The following COL25A1 variants were observed in gnomAD, a reference collection of about 807,000 sequenced individuals.
The protein encoded by COL25A1 is collagen type XXV alpha 1 chain, also known as collagen alpha-1(XXV) chain.
COL25A1 carries 103 observed loss-of-function variants against 128.4 expected under a neutral mutation model. The ratio of observed to expected loss-of-function variants is 0.80; its 90% CI spans 0.68 to 0.94. COL25A1 has a LOEUF of 0.94. Ranked by LOEUF, COL25A1 falls within the 40% of genes least tolerant of loss-of-function variation. The pLI is 0.00. For missense variants in COL25A1, 745 were observed against 840.0 expected, an observed-to-expected ratio of 0.89 and a Z score of 1.40; for synonymous variants, 279 against 277.2, an observed-to-expected ratio of 1.01 and a Z score of -0.06.
intron 3 of COL25A1, among the ~76,000 whole-genome samples, chr4:109,277,983 A>C (rs1025053314): frequency 6.6e-6 from 1 of 152,098 alleles, no homozygotes; most frequent in Non-Finnish European, 1.5e-5. Flanking sequence ...AAAATTCAAA[A>C]AATTAGCCAG....
rs527882072 is a variant in COL25A1, at chr4:109,071,787, G to C, written c.368-21608C>G. On this transcript the variant is annotated intron_variant, in intron 3 of 37. Coordinates refer to ENST00000399132, the MANE Select transcript of COL25A1 (RefSeq NM_198721.4). The stretch of plus-strand genomic sequence containing the variant: ...CAGTTAGAATGGCGATCATTAAAAA[G>C]TCAGGAAACAACAGGTGCTGGTGAG... Among the ~76,000 whole-genome samples the C allele has an allele frequency of 9.2e-5, 14 of 152,282 alleles. No individual in the cohort carries two copies. In the East Asian group the frequency reaches 2.5e-3, roughly 27 times the overall value.
In COL25A1 at chr4:108,901,143, T is replaced by C. The variant is rs1742796313; in HGVS notation, c.810A>G (p.Gly270=). 3 of 1,612,568 alleles carry C rather than the reference T, an allele frequency of 1.9e-6. No individual in the cohort carries two copies. The highest frequency in any genetic ancestry group is 1.1e-5 in the South Asian group (1 of 90,990). The change falls in exon 14 of 38, where the codon GGA becomes GGG. Residue 270 remains glycine (G), a synonymous_variant. Coordinates refer to ENST00000399132, the MANE Select transcript of COL25A1 (RefSeq NM_198721.4). ...CCTTAGGTCCTGGTATTCCATTCTG[T>C]CCTACTGCTCCAGGCAACCCGGGCT... is the stretch of plus-strand genomic sequence containing the variant. ...KGEPGLPGAV[G]QNGIPGPKGE... is the part of the protein sequence containing the mutation.
At chr4:109,022,153 TG>T (rs1447478349) in intron 5 of COL25A1, 1 of 453,350 alleles carries the variant, frequency 2.2e-6, no homozygotes, top group South Asian at 1.6e-5. Flanking sequence ...ACAGCTCAGG[TG>T]GGCATCACGG....
chr4:109,301,634 G>C (rs905838562), intron 2 of COL25A1, 89 bp downstream of exon 2: 1 of 1,442,754 alleles, frequency 6.9e-7, no homozygotes, highest in Non-Finnish European at 9.5e-7. Flanking sequence ...ACCAAGTATG[G>C]GTACAGTAAG....
intron 3 of COL25A1, among the ~76,000 whole-genome samples, chr4:109,052,082 C>T (rs577867953): frequency 6.6e-6 from 1 of 152,074 alleles, no homozygotes; most frequent in South Asian, 2.1e-4. Context: ...TGGGAAGTAG[C>T]TTATTTGCCA....
chr4:109,183,844 G>T (rs559305618), intron 3 of COL25A1, among the ~76,000 whole-genome samples: 2 of 149,694 alleles, frequency 1.3e-5, no homozygotes, highest in East Asian at 4.0e-4. Flanking sequence ...AAGTTGAAAG[G>T]TAAAGAATAA....
At chr4:109,109,415 T>A (rs969511877) in intron 3 of COL25A1, among the ~76,000 whole-genome samples, 1 of 152,204 alleles carries the variant, frequency 6.6e-6, no homozygotes, top group African/African-American at 2.4e-5. Context: ...GTATTTTTAG[T>A]ACAGATGGGT....
intron 3 of COL25A1, among the ~76,000 whole-genome samples, chr4:109,209,102 C>A (rs1235644429): frequency 2.0e-5 from 3 of 152,124 alleles, no homozygotes; most frequent in Non-Finnish European, 4.4e-5. Context: ...ACTGGTAAAG[C>A]AAGATGACCT....
At chr4:109,030,832 A>G (rs1030541232) in intron 5 of COL25A1, among the ~76,000 whole-genome samples, 4 of 152,126 alleles carry the variant, frequency 2.6e-5, no homozygotes, top group Non-Finnish European at 5.9e-5. Flanking sequence ...AGCTCACTGC[A>G]ACCTCCATCT....
chr4:109,169,645 A>C (rs1041176790), intron 3 of COL25A1, among the ~76,000 whole-genome samples: 1 of 152,202 alleles, frequency 6.6e-6, no homozygotes, highest in African/African-American at 2.4e-5. Flanking sequence ...TTAGTTTGAC[A>C]AAATAGTCCA....
chr4:109,234,248 T>A (rs1779333512), intron 3 of COL25A1, among the ~76,000 whole-genome samples: 1 of 152,094 alleles, frequency 6.6e-6, no homozygotes. Context: ...TTCTCAATCA[T>A]CTCCACTCTT....
chr4:109,192,943 C>G (rs938266508), intron 3 of COL25A1, among the ~76,000 whole-genome samples: 1 of 152,030 alleles, frequency 6.6e-6, no homozygotes, highest in African/African-American at 2.4e-5. Context: ...CATGGCCATC[C>G]GCAAGCCAAC....
intron 3 of COL25A1, among the ~76,000 whole-genome samples, chr4:109,061,179 T>A (rs771505003): frequency 1.8e-4 from 27 of 152,176 alleles, no homozygotes; most frequent in Non-Finnish European, 3.5e-4. Flanking sequence ...TCTTGTGCTC[T>A]CCTTACTTAA....
At chr4:109,148,413 C>T (rs1004685800) in intron 3 of COL25A1, among the ~76,000 whole-genome samples, 1 of 152,168 alleles carries the variant, frequency 6.6e-6, no homozygotes, top group African/African-American at 2.4e-5. Context: ...CTTACCTTTA[C>T]AAAGGAACCT....
chr4:108,919,633 A>G (rs1329328980), intron 12 of COL25A1, among the ~76,000 whole-genome samples: 1 of 152,110 alleles, frequency 6.6e-6, no homozygotes, highest in Non-Finnish European at 1.5e-5. Flanking sequence ...TGAGGGGTGT[A>G]AGGATGGGGG....
At chr4:109,278,097 T>C (rs1723022506) in intron 3 of COL25A1, among the ~76,000 whole-genome samples, 1 of 151,416 alleles carries the variant, frequency 6.6e-6, no homozygotes, top group Non-Finnish European at 1.5e-5. Context: ...ATCACACCAC[T>C]GCACTCCAGC....
chr4:109,265,334 A>G (rs1781714478), intron 3 of COL25A1, among the ~76,000 whole-genome samples: 1 of 152,166 alleles, frequency 6.6e-6, no homozygotes, highest in Non-Finnish European at 1.5e-5. Flanking sequence ...AATACTCCAC[A>G]CTGAAGGCCA....
intron 5 of COL25A1, among the ~76,000 whole-genome samples, chr4:109,019,597 G>A (rs1036970750): frequency 5.9e-5 from 9 of 151,708 alleles, no homozygotes; most frequent in South Asian, 4.2e-4. Context: ...AGGGAAAACC[G>A]CCTTATAAAA....
At chr4:109,155,246 G>A (rs1284110600) in intron 3 of COL25A1, among the ~76,000 whole-genome samples, 2 of 152,084 alleles carry the variant, frequency 1.3e-5, no homozygotes, top group Admixed American at 1.3e-4. Flanking sequence ...GAACGCTACA[G>A]ACCCAAGAAA....
Sources: allele counts gnomAD v4.1 joint callset (sites outside exome capture counted in the v4.1 genomes callset), GRCh38; gene constraint gnomAD v4.1.1; transcripts MANE v1.5; gene names NCBI Gene and HGNC (gene_info 2026-07-23, HGNC 2026-07-21).